Variants in ELF1 observed in about 807,000 individuals in gnomAD.
The protein encoded by ELF1 is ETS-related transcription factor Elf-1.
Under a neutral mutation model 59.9 loss-of-function variants are expected in ELF1, and 24 were observed. The observed-to-expected ratio is 0.40, with a 90% CI of 0.29 to 0.56. The LOEUF (loss-of-function observed/expected upper bound fraction) is 0.56. ELF1 is among the 20% of genes least tolerant of loss of function. The pLI, the probability that ELF1 is intolerant of heterozygous loss-of-function variation, is 0.44. For missense variants in ELF1, 627 were observed against 742.2 expected (o/e 0.84, Z 1.80); for synonymous variants, 248 against 266.2 (o/e 0.93, Z 0.67).
chr13:41,061,366 C>T (rs1275349844), exon 1 of ELF1: 7 of 512,164 alleles, frequency 1.4e-5, no homozygotes, highest in Non-Finnish European at 2.5e-5. Context: ...TCCTTCAGCT[C>T]AGGTCCCGTC....
chr13:40,944,028 T>C, intron 5 of ELF1, 103 bp from the exon 6 acceptor site: 1 of 1,034,182 alleles, frequency 9.7e-7, no homozygotes. Flanking sequence ...GTGCCAAATG[T>C]TTTTATACAT....
At chr13:41,017,774 G>A (rs1383867497) in intron 1 of ELF1, among the ~76,000 whole-genome samples, 1 of 151,134 alleles carries the variant, frequency 6.6e-6, no homozygotes, top group African/African-American at 2.4e-5. Flanking sequence ...TTTCTCTTAT[G>A]GATCACCACC....
At chr13:41,014,656 A>G (rs755035547) in intron 1 of ELF1, among the ~76,000 whole-genome samples, 95 of 152,308 alleles carry the variant, frequency 6.2e-4, no homozygotes, top group African/African-American at 2.0e-3. Flanking sequence ...AGTTGACTCA[A>G]TAATGGTACT....
intron 1 of ELF1, among the ~76,000 whole-genome samples, chr13:41,028,612 T>C (rs1306319854): frequency 6.6e-6 from 1 of 152,274 alleles, no homozygotes; most frequent in Non-Finnish European, 1.5e-5. Context: ...TTGTTCAGAA[T>C]ACATTTGTGT....
chr13:41,043,087 C>T (rs1449536536), intron 1 of ELF1, among the ~76,000 whole-genome samples: 2 of 152,182 alleles, frequency 1.3e-5, no homozygotes, highest in East Asian at 3.9e-4. Flanking sequence ...TATCTGTTGG[C>T]TGCAAAAATG....
intron 1 of ELF1, among the ~76,000 whole-genome samples, chr13:40,986,640 G>A (rs980360068): frequency 1.6e-4 from 7 of 43,330 alleles, no homozygotes; most frequent in Non-Finnish European, 1.4e-4. Context: ...GCTGCTTCAA[G>A]GCGAGGACTT....
At chr13:40,961,053 G>C (rs1357944844) in intron 2 of ELF1, among the ~76,000 whole-genome samples, 1 of 152,072 alleles carries the variant, frequency 6.6e-6, no homozygotes, top group Non-Finnish European at 1.5e-5. Context: ...AAGTAAGTCT[G>C]CTATATTCAA....
At chr13:40,991,086 C>T (rs1873829661) in intron 1 of ELF1, among the ~76,000 whole-genome samples, 1 of 152,072 alleles carries the variant, frequency 6.6e-6, no homozygotes, top group African/African-American at 2.4e-5. Flanking sequence ...ATGAGGAAAA[C>T]ATCAGACAAA....
chr13:40,979,346 C>T (rs547685166), intron 2 of ELF1, among the ~76,000 whole-genome samples: 2 of 152,202 alleles, frequency 1.3e-5, no homozygotes, highest in South Asian at 4.1e-4. Flanking sequence ...AACTTAGGTT[C>T]TATTATTTTC....
intron 2 of ELF1, among the ~76,000 whole-genome samples, chr13:40,965,303 AATAAG>A (rs1355255995): frequency 6.6e-6 from 1 of 152,210 alleles, no homozygotes; most frequent in African/African-American, 2.4e-5. Flanking sequence ...AATAGTAAGC[AATAAG>A]ATGTTACCTA....
At chr13:41,037,754 C>T (rs1209931838) in intron 1 of ELF1, among the ~76,000 whole-genome samples, 1 of 151,778 alleles carries the variant, frequency 6.6e-6, no homozygotes, top group African/African-American at 2.4e-5. Flanking sequence ...CGAGATCACA[C>T]CACTGCACTC....
chr13:40,980,082 G>A (rs1288731208), intron 2 of ELF1, among the ~76,000 whole-genome samples: 1 of 152,092 alleles, frequency 6.6e-6, no homozygotes, highest in African/African-American at 2.4e-5. Context: ...GACTGAAGAC[G>A]CCAAAACTCA....
At chr13:40,974,127 A>G (rs529840778) in intron 2 of ELF1, among the ~76,000 whole-genome samples, 1 of 152,206 alleles carries the variant, frequency 6.6e-6, no homozygotes, top group Non-Finnish European at 1.5e-5. Flanking sequence ...GTATAAACTT[A>G]AAACCATTGA....
At chr13:40,987,535 G>A (rs1253613793) in intron 1 of ELF1, among the ~76,000 whole-genome samples, 3 of 140,788 alleles carry the variant, frequency 2.1e-5, no homozygotes, top group African/African-American at 5.5e-5. Context: ...GTGGTAAGCC[G>A]AGGCACGCCA....
intron 1 of ELF1, among the ~76,000 whole-genome samples, chr13:40,993,725 T>A (rs1373455303): frequency 6.6e-6 from 1 of 152,052 alleles, no homozygotes; most frequent in Non-Finnish European, 1.5e-5. Flanking sequence ...GCTCAAGCAA[T>A]CCTCCCGTCT....
At chr13:41,031,171 G>C (rs941401409) in intron 1 of ELF1, among the ~76,000 whole-genome samples, 1 of 143,290 alleles carries the variant, frequency 7.0e-6, no homozygotes, top group Non-Finnish European at 1.5e-5. Context: ...AAAAAAAAAA[G>C]AAAGAAAGAA....
intron 1 of ELF1, among the ~76,000 whole-genome samples, chr13:41,024,700 C>T (rs1419978158): frequency 6.6e-6 from 1 of 152,014 alleles, no homozygotes; most frequent in Non-Finnish European, 1.5e-5. Context: ...TTCTATGTAG[C>T]CCTAGCATCT....
intron 7 of ELF1, among the ~76,000 whole-genome samples, chr13:40,941,941 G>A (rs1870200159): frequency 1.3e-5 from 2 of 152,030 alleles, no homozygotes; most frequent in South Asian, 2.1e-4. Context: ...TTATAGAAGC[G>A]AGCCACCACA....
chr13:40,959,155 A>C, intron 2 of ELF1, 139 bp from the exon 3 acceptor site: 1 of 1,254,528 alleles, frequency 8.0e-7, no homozygotes, highest in Non-Finnish European at 1.1e-6. Context: ...TAATCTTTCT[A>C]GGCATTAGGT....
Sources: gnomAD v4.1 joint callset for allele counts (sites outside exome capture counted in the v4.1 genomes callset) on GRCh38, gnomAD v4.1.1 for gene constraint, MANE v1.5 for transcripts, NCBI Gene and HGNC (gene_info 2026-07-23, HGNC 2026-07-21) for gene names.